Variants in MAN2A1 observed in about 807,000 individuals in gnomAD.
MAN2A1 encodes mannosidase alpha class 2A member 1.
MAN2A1 carries 76 observed loss-of-function variants against 142.6 expected under a neutral mutation model. The observed-to-expected ratio is 0.53, with a 90% CI of 0.44 to 0.65. MAN2A1 has a LOEUF of 0.65. Ranked by LOEUF, MAN2A1 falls within the 30% of genes least tolerant of loss-of-function variation. The pLI, the probability that MAN2A1 is intolerant of heterozygous loss-of-function variation, is 0.00. For synonymous variants in MAN2A1, 559 were observed against 473.2 expected (o/e 1.18, Z -2.35); for missense variants, 1,311 against 1,365.1 (o/e 0.96, Z 0.62).
At chr5:109,809,042 G>C (rs940166370) in intron 12 of MAN2A1, among the ~76,000 whole-genome samples, 1 of 152,052 alleles carries the variant, frequency 6.6e-6, no homozygotes, top group Non-Finnish European at 1.5e-5. Flanking sequence ...TCATTGGATT[G>C]AAAGACAGAC....
Position 109,823,835 on chromosome 5 carries a change from A to C in MAN2A1, c.2564A>C (p.Gln855Pro), listed in dbSNP as rs369101585. The change falls in exon 16 of 22, where the codon CAG becomes CCG. Residue 855 changes from glutamine to proline, a missense_variant and splice_region_variant. By Grantham distance (76) the Gln-to-Pro change is moderately conservative. Coordinates refer to ENST00000261483, the MANE Select transcript of MAN2A1 (RefSeq NM_002372.4). ...CATAGAGTCCGACTATACCACATAC[A>C]GGGTAAGAAAATAGGAATGCAGTTA... ...VTHRVRLYHI[Q>P]GIEGQSVEVS... 2.7e-5 allele frequency: 40 copies of C among 1,488,632 alleles called. No homozygotes were observed. The South Asian group carries it at 4.7e-4, about 17-fold the overall frequency. The allele number at this position is 1,488,632 out of a possible 1,614,324, so 92.2% of individuals were successfully genotyped here.
At chr5:109,740,007 TC>T (rs1752221319) in intron 4 of MAN2A1, among the ~76,000 whole-genome samples, 1 of 152,190 alleles carries the variant, frequency 6.6e-6, no homozygotes, top group African/African-American at 2.4e-5. Context: ...GCAAGACTCT[TC>T]CTGTAATAAG....
chr5:109,866,379 TCTCTCTTAA>T (rs530067885), intron 21 of MAN2A1, among the ~76,000 whole-genome samples: 103 of 152,134 alleles, frequency 6.8e-4, no homozygotes, highest in Non-Finnish European at 1.3e-3. Context: ...GCCTGTGTGC[TCTCTCTTAA>T]CTCTGTTGGA....
At chr5:109,710,565 T>C (rs1009699494) in intron 1 of MAN2A1, among the ~76,000 whole-genome samples, 1 of 152,150 alleles carries the variant, frequency 6.6e-6, no homozygotes, top group African/African-American at 2.4e-5. Context: ...AGTGCAGTGA[T>C]GCGATCTTGG....
Position 109,767,624 on chromosome 5 carries a change from A to G in MAN2A1, c.925A>G (p.Met309Val), listed in dbSNP as rs374080048. ...YLLNRAGLSH[M>V]LIQRVHYAVK... ...TCTAAACCGTGCTGGACTTTCTCAC[A>G]TGCTTATCCAGAGAGTTCATTATGC... is the stretch of plus-strand genomic sequence containing the variant. The change falls in exon 6 of 22, where the codon ATG becomes GTG. Residue 309 changes from methionine to valine, a missense_variant. By Grantham distance (21) the Met-to-Val change is conservative. Around this residue, in one of 3 missense-constraint regions of MAN2A1, gnomAD observed 409 missense variants for 412.7 expected, o/e 0.99. Coordinates refer to ENST00000261483, the MANE Select transcript of MAN2A1 (RefSeq NM_002372.4). 2.5e-6 allele frequency: 4 copies of G among 1,613,798 alleles called. No individual in the cohort carries two copies. Among genetic ancestry groups the G allele is most frequent in the Non-Finnish European group, 3.4e-6 (4 of 1,179,764 alleles).
In MAN2A1 at chr5:109,781,232, T is replaced by C. The variant is rs191177159; in HGVS notation, c.1375-164T>C. Among the ~76,000 whole-genome samples, 8 of 152,328 alleles carry C rather than the reference T, an allele frequency of 5.3e-5. No homozygotes were observed. In the East Asian group the frequency reaches 1.5e-3, roughly 29 times the overall value. On this transcript the variant is annotated intron_variant, in intron 8 of 21. Transcript: ENST00000261483. ...TTAATGTAAGTAAAAAAAAAGTCAC[T>C]ATTATTTTCTTCCCTGCTTCTGATT...
At chr5:109,778,789 G>A (rs1352123853) in intron 8 of MAN2A1, among the ~76,000 whole-genome samples, 3 of 151,826 alleles carry the variant, frequency 2.0e-5, no homozygotes, top group Non-Finnish European at 4.4e-5. Flanking sequence ...GTTTCTTGTG[G>A]GATACTTAAA....
intron 12 of MAN2A1, among the ~76,000 whole-genome samples, chr5:109,807,499 G>A (rs1350601985): frequency 6.6e-6 from 1 of 152,144 alleles, no homozygotes; most frequent in African/African-American, 2.4e-5. Context: ...CGGCTCTGAG[G>A]GGAGAATCAT....
intron 1 of MAN2A1, among the ~76,000 whole-genome samples, chr5:109,704,440 T>A (rs559872773): frequency 6.6e-6 from 1 of 152,332 alleles, no homozygotes; most frequent in South Asian, 2.1e-4. Flanking sequence ...AATTCAGGCA[T>A]GTTAGGCTCT....
intron 16 of MAN2A1, among the ~76,000 whole-genome samples, chr5:109,839,209 A>G (rs1214384855): frequency 1.3e-5 from 2 of 152,198 alleles, no homozygotes; most frequent in Non-Finnish European, 2.9e-5. Context: ...TTTTTGGTTC[A>G]TTTGTAGATG....
intron 1 of MAN2A1, among the ~76,000 whole-genome samples, chr5:109,700,975 A>G (rs1750964230): frequency 6.6e-6 from 1 of 152,234 alleles, no homozygotes; most frequent in Admixed American, 6.5e-5. Context: ...AGAGCCAGTT[A>G]AGTGCTATTA....
At chr5:109,797,802 C>T (rs1450664485) in intron 12 of MAN2A1, among the ~76,000 whole-genome samples, 1 of 152,000 alleles carries the variant, frequency 6.6e-6, no homozygotes, top group African/African-American at 2.4e-5. Flanking sequence ...AGTGCCCAGG[C>T]AGAAAGACTA....
chr5:109,819,297 T>G (rs1754556807), intron 13 of MAN2A1, among the ~76,000 whole-genome samples: 1 of 152,180 alleles, frequency 6.6e-6, no homozygotes, highest in South Asian at 2.1e-4. Context: ...TACGATATTT[T>G]CAAATTCTAA....
intron 6 of MAN2A1, among the ~76,000 whole-genome samples, chr5:109,767,948 T>G (rs950734637): frequency 3.3e-5 from 5 of 152,206 alleles, no homozygotes; most frequent in African/African-American, 1.2e-4. Flanking sequence ...TAGATAAATA[T>G]AAGGAGTTAG....
intron 7 of MAN2A1, among the ~76,000 whole-genome samples, chr5:109,774,490 T>C (rs907213382): frequency 1.3e-5 from 2 of 152,124 alleles, no homozygotes; most frequent in African/African-American, 4.8e-5. Context: ...ACCCCACTTA[T>C]TATATGCCAA....
chr5:109,696,850 G>T lies in MAN2A1; in HGVS notation c.135+6298G>T, dbSNP rs1407415379. Among the ~76,000 whole-genome samples, 5 of 152,212 alleles carry T rather than the reference G, an allele frequency of 3.3e-5. No individual in the cohort carries two copies. In the East Asian group the frequency reaches 5.8e-4, roughly 18 times the overall value. On this transcript the variant is annotated intron_variant, in intron 1 of 21. Coordinates refer to ENST00000261483, the MANE Select transcript of MAN2A1 (RefSeq NM_002372.4). The stretch of plus-strand genomic sequence containing the variant: ...AAAGCCAATTAGCATTTTTTGATGG[G>T]TGAACTCTATTCTTTCTCAGGATGC...
At chr5:109,797,469 AAG>A (rs1293361785) in intron 12 of MAN2A1, among the ~76,000 whole-genome samples, 6 of 152,120 alleles carry the variant, frequency 3.9e-5, no homozygotes, top group African/African-American at 1.4e-4. Flanking sequence ...CTGACACTGA[AAG>A]AGGGTATGGA....
intron 1 of MAN2A1, among the ~76,000 whole-genome samples, chr5:109,700,243 T>G (rs1428503326): frequency 6.6e-6 from 1 of 151,930 alleles, no homozygotes; most frequent in Non-Finnish European, 1.5e-5. Context: ...TTTTGGTCCC[T>G]TGTGCCTACT....
chr5:109,766,458 G>A (rs1420288708), intron 5 of MAN2A1, among the ~76,000 whole-genome samples: 3 of 151,876 alleles, frequency 2.0e-5, no homozygotes, highest in Non-Finnish European at 4.4e-5. Context: ...TATACTCTTG[G>A]TCCCCTGTAG....
Sources: allele counts gnomAD v4.1 joint callset (sites outside exome capture counted in the v4.1 genomes callset), GRCh38; gene constraint gnomAD v4.1.1; regional missense constraint gnomAD v4.1.1; transcripts MANE v1.5; gene names NCBI Gene and HGNC (gene_info 2026-07-23, HGNC 2026-07-21).